ACE: variants seen among roughly 807,000 people sequenced by gnomAD.
ACE encodes the protein angiotensin I converting enzyme.
In ACE, 122 loss-of-function variants were observed where a neutral mutation model predicts 162.3. That is an observed-to-expected ratio of 0.75 (90% CI 0.65 to 0.87). The LOEUF (loss-of-function observed/expected upper bound fraction) is 0.87. Among genes scored for constraint, ACE ranks in the 40% least tolerant of loss-of-function variants. ACE has a pLI of 0.00. For synonymous variants in ACE, 796 were observed against 720.6 expected, an observed-to-expected ratio of 1.10 and a Z score of -1.68; for missense variants, 1,799 against 1,735.1, an observed-to-expected ratio of 1.04 and a Z score of -0.65.
At position 63,491,183 on chromosome 17, in the gene ACE, T is replaced by A. The variant is rs762292544; in HGVS notation, c.2740-26T>A. The stretch of plus-strand genomic sequence containing the variant: ...GCAGTCTGTCCCCGGAACCCCCAGT[T>A]TGGGCAGAACTCCCTCTGCTTGCAG... On this transcript the variant is annotated intron_variant, in intron 18 of 24. Transcript: ENST00000290866. This position sits in a 1 kb window ranked among gnomAD's most constrained non-coding sequence, Gnocchi z 4.4. The A allele has an allele frequency of 6.2e-7, 1 of 1,613,546 alleles. No homozygotes were observed. Among genetic ancestry groups the A allele is most frequent in the East Asian group, 2.2e-5 (1 of 44,852 alleles).
chr17:63,484,883 G>T lies in ACE; in HGVS notation c.1921+342G>T. 1 of 1,587,958 alleles carries T rather than the reference G, an allele frequency of 6.3e-7. No homozygotes were observed. The highest frequency in any genetic ancestry group is 2.3e-5 in the East Asian group (1 of 43,432). The stretch of plus-strand genomic sequence containing the variant: ...TCCTGCGGCCATGGGCCAGGGTTGG[G>T]CTACTGCAGGACTTCCCAGCCTCCT... On this transcript the variant is annotated intron_variant, in intron 12 of 24. Coordinates refer to ENST00000290866, the MANE Select transcript of ACE (RefSeq NM_000789.4). The surrounding 1 kb of genome is among the most constrained non-coding windows in gnomAD (Gnocchi z 4.0).
In ACE at chr17:63,485,345, C is replaced by T; in HGVS notation, c.2031C>T (p.Asn677=). 4.3e-6 allele frequency: 7 copies of T among 1,614,078 alleles called. No individual in the cohort carries two copies. Among genetic ancestry groups the T allele is most frequent in the African/African-American group, 1.3e-5 (1 of 74,984 alleles). The change falls in exon 13 of 25, where the codon AAC becomes AAT. Residue 677 remains asparagine (N), a synonymous_variant. Coordinates refer to ENST00000290866, the MANE Select transcript of ACE (RefSeq NM_000789.4). ...AGGCCAACTGGAACTACAACACCAA[C>T]ATCACCACAGAGACCAGCAAGATTC... ...YAEANWNYNT[N]ITTETSKILL...
Position 63,491,293 on chromosome 17 carries a change from A to C in ACE, c.2824A>C (p.Asn942His), listed in dbSNP as rs1290388486. 6.2e-6 allele frequency: 10 copies of C among 1,614,008 alleles called. No individual in the cohort carries two copies. Among genetic ancestry groups the C allele is most frequent in the African/African-American group, 1.3e-5 (1 of 74,902 alleles). ...GLLPVPPEFW[N>H]KSMLEKPTDG... ...GCTGCCCGTGCCTCCTGAGTTCTGG[A>C]ACAAGTCGATGCTGGAGAAGCCAAC... is the stretch of plus-strand genomic sequence containing the variant. Residue 942 changes from asparagine (N) to histidine (H), a missense_variant, in exon 19 of 25, where the codon AAC (asparagine) becomes CAC (histidine). By Grantham distance (68) the Asn-to-His change is moderately conservative. Coordinates refer to ENST00000290866, the MANE Select transcript of ACE (RefSeq NM_000789.4). This position sits in a 1 kb window ranked among gnomAD's most constrained non-coding sequence, Gnocchi z 4.4.
Position 63,493,447 on chromosome 17 carries a change from G to A in ACE, c.2924G>A (p.Cys975Tyr), listed in dbSNP as rs1346738730. Residue 975 changes from cysteine (C) to tyrosine (Y), a missense_variant, in exon 20 of 25, where the codon TGC (cysteine) becomes TAC (tyrosine). Physicochemically the swap from Cys to Tyr is radical, Grantham distance 194. Transcript: ENST00000290866. ...TCCACTATTCCTAGGATCAAGCAGT[G>A]CACCACCGTGAACTTGGAGGACCTG... is the stretch of plus-strand genomic sequence containing the variant. ...YNGKDFRIKQ[C>Y]TTVNLEDLVV... 1 of 1,613,954 alleles carries A rather than the reference G, an allele frequency of 6.2e-7. No homozygotes were observed. Among genetic ancestry groups the A allele is most frequent in the East Asian group, 2.2e-5 (1 of 44,858 alleles).
Position 63,484,963 on chromosome 17 carries a change from C to G in ACE, c.1922-273C>G. On this transcript the variant is annotated intron_variant, in intron 12 of 24. Coordinates refer to ENST00000290866, the MANE Select transcript of ACE (RefSeq NM_000789.4). This position sits in a 1 kb window ranked among gnomAD's most constrained non-coding sequence, Gnocchi z 4.0. ...TGCTGGTCCCCAGCCAGGAGGCATC[C>G]CAACAGGTGACAGTCACCCATGGGA... is the stretch of plus-strand genomic sequence containing the variant. The G allele has an allele frequency of 1.2e-6, 2 of 1,605,632 alleles. No homozygotes were observed.
chr17:63,477,094 C>A lies in ACE; in HGVS notation c.-1C>A. On this transcript the variant is annotated 5_prime_UTR_variant, in exon 1 of 25. Coordinates refer to ENST00000290866, the MANE Select transcript of ACE (RefSeq NM_000789.4). ...CAGAGCCGAGCACCGCGCACCGCGTCATGGGGGCCGCCTCGGGCCGCCGGG... is the reference window on the plus strand; with the variant it reads ...CAGAGCCGAGCACCGCGCACCGCGTAATGGGGGCCGCCTCGGGCCGCCGGG... 3 of 1,308,514 alleles carry A rather than the reference C, an allele frequency of 2.3e-6. 1 individual carries two copies. In the South Asian group the frequency reaches 6.7e-5, roughly 29 times the overall value. 81.1% of individuals were successfully genotyped at this position (1,308,514 alleles called of 1,614,324 possible). A position where few individuals can be genotyped will look rare whatever the true frequency, so the allele number is the denominator to read the frequency against.
intron 17 of ACE, 28 bp from the exon 18 acceptor site, chr17:63,490,926 C>T (rs2030325879): frequency 1.9e-6 from 3 of 1,609,038 alleles, no homozygotes; most frequent in South Asian, 1.1e-5. Flanking sequence ...TCTTTCCTCT[C>T]TCTGCCGTCC....
Position 63,497,141 on chromosome 17 carries a change from C to T in ACE, c.3696C>T (p.Arg1232=). The change falls in exon 25 of 25, where the codon CGC becomes CGT. Residue 1232 remains arginine, a synonymous_variant. Transcript: ENST00000290866. ...PQYNWTPNSA[R]SEGPLPDSGR... ...GTCTCCTTGCTTCCCGCTCAGCTCGCTCAGAAGGGCCCCTCCCAGACAGCG... is the reference window on the plus strand; with the variant it reads ...GTCTCCTTGCTTCCCGCTCAGCTCGTTCAGAAGGGCCCCTCCCAGACAGCG... The T allele has an allele frequency of 6.2e-7, 1 of 1,603,802 alleles. No individual in the cohort carries two copies. Among genetic ancestry groups the T allele is most frequent in the Non-Finnish European group, 8.5e-7 (1 of 1,179,188 alleles).
At chr17:63,478,443 A>G (rs966941067) in intron 2 of ACE, 3 of 347,526 alleles carry the variant, frequency 8.6e-6, no homozygotes, top group African/African-American at 6.3e-5. Flanking sequence ...AGGTGGGCGC[A>G]TCGCTTGAGC....
chr17:63,477,871 C>T (rs1433511048), intron 1 of ACE, 60 bp from the exon 2 acceptor site: 8 of 1,559,394 alleles, frequency 5.1e-6, no homozygotes, highest in African/African-American at 1.4e-5. Flanking sequence ...GTGGCTTCTC[C>T]TTTATGGCCT....
chr17:63,482,573 G>C lies in ACE; in HGVS notation c.1226G>C (p.Arg409Pro), dbSNP rs371833006. The C allele has an allele frequency of 1.2e-6, 2 of 1,613,976 alleles. No homozygotes were observed. The highest frequency in any genetic ancestry group is 1.3e-5 in the African/African-American group (1 of 74,908). Residue 409 changes from arginine to proline, a missense_variant, in exon 8 of 25, where the codon CGT (arginine) becomes CCT (proline). Coordinates refer to ENST00000290866, the MANE Select transcript of ACE (RefSeq NM_000789.4). ...LQYKDLPVSLRRGANPGFHEA... is the reference protein window; with the variant it reads ...LQYKDLPVSLPRGANPGFHEA... Reference sequence around the variant, plus strand: ...TACAAGGATCTGCCCGTCTCCCTGCGTCGGGGGGCCAACCCCGGCTTCCAT... The same window carrying C: ...TACAAGGATCTGCCCGTCTCCCTGCCTCGGGGGGCCAACCCCGGCTTCCAT...
In ACE at chr17:63,498,163, A is replaced by T. The variant is rs970456274; in HGVS notation, c.*797A>T. 2 of 152,720 alleles carry T rather than the reference A, an allele frequency of 1.3e-5. No individual in the cohort carries two copies. Among genetic ancestry groups the T allele is most frequent in the African/African-American group, 4.8e-5 (2 of 41,452 alleles). 9.5% of individuals were successfully genotyped at this position (152,720 alleles called of 1,614,324 possible). On this transcript the variant is annotated 3_prime_UTR_variant, in exon 25 of 25. Transcript: ENST00000290866. ...CACTGCCAGTGCAGAGGGGCCTCAG[A>T]CGCTGGAGTGTAGCAGTGGCTGCAC...
Position 63,486,735 on chromosome 17 carries a change from CA to C in ACE, c.2217+21del. The C allele has an allele frequency of 1.2e-6, 2 of 1,614,100 alleles. No individual in the cohort carries two copies. Among genetic ancestry groups the C allele is most frequent in the Non-Finnish European group, 1.7e-6 (2 of 1,180,006 alleles). On this transcript the variant is annotated intron_variant, in intron 14 of 24. Coordinates refer to ENST00000290866, the MANE Select transcript of ACE (RefSeq NM_000789.4). ...GAGGAGGTGTGTGGCTCGCAAGGTACAGGGAGAGGGGAATCCTGGGGCAGTG... is the reference window on the plus strand; with the variant it reads ...GAGGAGGTGTGTGGCTCGCAAGGTACGGGAGAGGGGAATCCTGGGGCAGTG...
chr17:63,496,554 G>C, intron 23 of ACE, 38 bp downstream of exon 23: 1 of 1,613,306 alleles, frequency 6.2e-7, no homozygotes, highest in East Asian at 2.2e-5. Flanking sequence ...TCCATGCTCT[G>C]GCCTGCGCCC....
chr17:63,491,168 C>A lies in ACE; in HGVS notation c.2740-41C>A. The stretch of plus-strand genomic sequence containing the variant: ...TCCCCACGGCAGCACGCAGTCTGTC[C>A]CCGGAACCCCCAGTTTGGGCAGAAC... On this transcript the variant is annotated intron_variant, in intron 18 of 24. Transcript: ENST00000290866. This position sits in a 1 kb window ranked among gnomAD's most constrained non-coding sequence, Gnocchi z 4.4. 2.5e-6 allele frequency: 4 copies of A among 1,612,946 alleles called. No homozygotes were observed. Among genetic ancestry groups the A allele is most frequent in the Non-Finnish European group, 3.4e-6 (4 of 1,179,772 alleles).
chr17:63,489,045 C>T lies in ACE; in HGVS notation c.2554C>T (p.Leu852=), dbSNP rs778424815. Residue 852 remains leucine, a synonymous_variant, in exon 17 of 25, where the codon CTG becomes TTG. Transcript: ENST00000290866. ...GGAGCTGCAGCCACTCTACCTCAAC[C>T]TGCATGCCTACGTGCGCCGGGCCCT... ...FQELQPLYLN[L]HAYVRRALHR... is the part of the protein sequence containing the mutation. 6.2e-7 allele frequency: 1 copy of T among 1,614,160 alleles called. No individual in the cohort carries two copies. The highest frequency in any genetic ancestry group is 1.1e-5 in the South Asian group (1 of 91,088).
Position 63,496,400 on chromosome 17 carries a change from T to TCA in ACE, c.3387_3388insCA (p.Val1130GlnfsTer43), listed in dbSNP as rs770429365. On this transcript the variant is annotated frameshift_variant, in exon 23 of 25. Coordinates refer to ENST00000290866, the MANE Select transcript of ACE (RefSeq NM_000789.4). LOFTEE classifies it high-confidence loss of function. ...CGGCCTCGCTCTGCTCCAGGTACTT[T>TCA]GTCAGCTTCATCATCCAGTTCCAGT... is the stretch of plus-strand genomic sequence containing the variant. The TCA allele has an allele frequency of 7.4e-6, 12 of 1,613,990 alleles. No homozygotes were observed. The South Asian group carries it at 1.1e-4, about 15-fold the overall frequency.
In ACE at chr17:63,497,132, C is replaced by A. The variant is rs2030807412; in HGVS notation, c.3692-5C>A. ...GCCCATGCTGTCTCCTTGCTTCCCG[C>A]TCAGCTCGCTCAGAAGGGCCCCTCC... is the stretch of plus-strand genomic sequence containing the variant. On this transcript the variant is annotated splice_region_variant and splice_polypyrimidine_tract_variant and intron_variant, in intron 24 of 24. Coordinates refer to ENST00000290866, the MANE Select transcript of ACE (RefSeq NM_000789.4). 1 of 1,602,630 alleles carries A rather than the reference C, an allele frequency of 6.2e-7. No homozygotes were observed. The highest frequency in any genetic ancestry group is 1.7e-5 in the Admixed American group (1 of 59,568).
In ACE at chr17:63,481,096, A is replaced by G. The variant is rs923234679; in HGVS notation, c.853A>G (p.Met285Val). Residue 285 changes from methionine to valine, a missense_variant, in exon 6 of 25, where the codon ATG becomes GTG. By Grantham distance (21) the Met-to-Val change is conservative (BLOSUM62 1). Transcript: ENST00000290866. Reference sequence around the variant, plus strand: ...CCCCTTCCTTCCTTATCTAGGAGACATGTGGGCCCAGAGCTGGGAAAACAT... The same window carrying G: ...CCCCTTCCTTCCTTATCTAGGAGACGTGTGGGCCCAGAGCTGGGAAAACAT... ...GPIPAHLLGD[M>V]WAQSWENIYD... The G allele has an allele frequency of 6.2e-7, 1 of 1,613,220 alleles. No individual in the cohort carries two copies. Among genetic ancestry groups the G allele is most frequent in the Non-Finnish European group, 8.5e-7 (1 of 1,179,494 alleles).
Sources: gnomAD v4.1 joint callset for allele counts on GRCh38, gnomAD v4.1.1 for gene constraint, Gnocchi (gnomAD v3.1) non-coding constraint, MANE v1.5 for transcripts, NCBI Gene and HGNC (gene_info 2026-07-23, HGNC 2026-07-21) for gene names.